The following PTPRN2 variants were observed in gnomAD, a reference collection of about 807,000 sequenced individuals.
The protein encoded by PTPRN2 is receptor-type tyrosine-protein phosphatase N2.
In PTPRN2, 74 loss-of-function variants were observed where a neutral mutation model predicts 118.8. The observed-to-expected ratio is 0.62, with a 90% CI of 0.52 to 0.76. The LOEUF is 0.76. PTPRN2 is among the 30% of genes least tolerant of loss of function. The probability of loss-of-function intolerance (pLI) is 0.00; values close to 1 mark genes in which losing one functional copy is unlikely to be tolerated. For synonymous variants in PTPRN2, 641 were observed against 608.0 expected (o/e 1.05, Z -0.80); for missense variants, 1,481 against 1,394.4 (o/e 1.06, Z -0.99).
At chr7:158,202,576 C>T (rs1244094788) in intron 4 of PTPRN2, among the ~76,000 whole-genome samples, 1 of 152,142 alleles carries the variant, frequency 6.6e-6, no homozygotes, top group Non-Finnish European at 1.5e-5. Context: ...AGCTTACAGG[C>T]ATGAAGCCCA....
intron 3 of PTPRN2, among the ~76,000 whole-genome samples, chr7:158,225,732 A>G (rs1382717374): frequency 6.6e-6 from 1 of 152,250 alleles, no homozygotes; most frequent in Admixed American, 6.5e-5. Flanking sequence ...TCATAGAAAC[A>G]AGTGGTATTT....
At chr7:157,924,231 G>C (rs1798844451) in intron 11 of PTPRN2, among the ~76,000 whole-genome samples, 1 of 152,164 alleles carries the variant, frequency 6.6e-6, no homozygotes, top group Admixed American at 6.5e-5. Context: ...GTGGCTTCCT[G>C]GGGCTGGCTC....
At chr7:158,439,105 G>A (rs934790438) in intron 2 of PTPRN2, among the ~76,000 whole-genome samples, 2 of 152,200 alleles carry the variant, frequency 1.3e-5, no homozygotes, top group Non-Finnish European at 2.9e-5. Flanking sequence ...TTCTAACCTG[G>A]AAGCCGCCAT....
At chr7:157,802,099 C>T (rs1023678752) in intron 12 of PTPRN2, among the ~76,000 whole-genome samples, 28 of 152,262 alleles carry the variant, frequency 1.8e-4, no homozygotes, top group African/African-American at 4.8e-4. Context: ...GTGCTAAGAA[C>T]GTGTAGCGAG....
At chr7:158,533,446 C>G (rs917596334) in intron 1 of PTPRN2, among the ~76,000 whole-genome samples, 2 of 152,216 alleles carry the variant, frequency 1.3e-5, no homozygotes, top group Non-Finnish European at 2.9e-5. Context: ...GCACCTTTGC[C>G]TTCCACTGAG....
chr7:158,421,304 G>A (rs961186180), intron 2 of PTPRN2, among the ~76,000 whole-genome samples: 1 of 152,198 alleles, frequency 6.6e-6, no homozygotes, highest in Non-Finnish European at 1.5e-5. Context: ...ACCCTGGTAG[G>A]AAATGAACAT....
At chr7:157,817,333 T>C (rs986567506) in intron 12 of PTPRN2, among the ~76,000 whole-genome samples, 1 of 152,122 alleles carries the variant, frequency 6.6e-6, no homozygotes, top group African/African-American at 2.4e-5. Flanking sequence ...AAGAATCATG[T>C]CACAGGAAAC....
At chr7:158,340,605 A>G (rs1380466281) in intron 2 of PTPRN2, among the ~76,000 whole-genome samples, 34 of 112,336 alleles carry the variant, frequency 3.0e-4, no homozygotes, top group African/African-American at 9.8e-4. Flanking sequence ...CATCACTCAC[A>G]CCCACACACG....
intron 12 of PTPRN2, among the ~76,000 whole-genome samples, chr7:157,749,073 C>G (rs1443607510): frequency 1.8e-5 from 1 of 54,454 alleles, no homozygotes; most frequent in Non-Finnish European, 3.4e-5. Context: ...TGTGGGCTGT[C>G]CGGGTGATTC....
chr7:158,365,297 C>T (rs1471917653), intron 2 of PTPRN2, among the ~76,000 whole-genome samples: 1 of 152,190 alleles, frequency 6.6e-6, no homozygotes, highest in East Asian at 1.9e-4. Context: ...GGGCTGGAGG[C>T]AGACCTCATC....
rs975338148 is a variant in PTPRN2 at position 158,194,155 on chromosome 7, GAGTGTGTGA to G, written c.381-1669_381-1661del. ...TGTGAGTTTGTGTAAGTGTGTGTGT[GAGTGTGTGA>G]GGGGTGTGAGTGCGTGTGTGCGTTT... On this transcript the variant is annotated intron_variant, in intron 4 of 22. Transcript: ENST00000389418. 1.9e-4 allele frequency among the ~76,000 whole-genome samples: 28 copies of G among 147,362 alleles called. No homozygotes were observed. In the South Asian group the frequency reaches 3.6e-3, roughly 19 times the overall value.
Position 157,990,883 on chromosome 7 carries a change from C to T in PTPRN2, c.1723+90415G>A, listed in dbSNP as rs1190230651. Reference sequence around the variant, plus strand: ...ACCGAGGAGGACTGGGGAGGGGGGCCGAGTCTCCAGTCAGGCAGAGAGAGC... The same window carrying T: ...ACCGAGGAGGACTGGGGAGGGGGGCTGAGTCTCCAGTCAGGCAGAGAGAGC... On this transcript the variant is annotated intron_variant, in intron 11 of 22. Transcript: ENST00000389418. The surrounding 1 kb of genome is among the most constrained non-coding windows in gnomAD (Gnocchi z 4.3). 1.3e-5 allele frequency among the ~76,000 whole-genome samples: 2 copies of T among 152,102 alleles called. No homozygotes were observed. The highest frequency in any genetic ancestry group is 6.6e-5 in the Admixed American group (1 of 15,264).
intron 3 of PTPRN2, among the ~76,000 whole-genome samples, chr7:158,249,071 T>C (rs192411674): frequency 3.3e-3 from 468 of 142,774 alleles, no homozygotes; most frequent in African/African-American, 0.011. Context: ...ATCACACACA[T>C]ACACCACACA....
At chr7:157,995,728 AG>A (rs1408645126) in intron 11 of PTPRN2, among the ~76,000 whole-genome samples, 1 of 152,204 alleles carries the variant, frequency 6.6e-6, no homozygotes, top group Non-Finnish European at 1.5e-5. Context: ...CTCCTGTCAG[AG>A]GGGAGGATCC....
rs1016988489 is a variant in PTPRN2, at chr7:157,619,492, C to T, written c.2344+1870G>A. ...GCCCCCAGAGCCTGTTAGTAGCCCC[C>T]GACACAGGGCCGGTGCTTAGTAAAT... On this transcript the variant is annotated intron_variant, in intron 15 of 22. Coordinates refer to ENST00000389418, the MANE Select transcript of PTPRN2 (RefSeq NM_002847.5). The surrounding 1 kb of genome is among the most constrained non-coding windows in gnomAD (Gnocchi z 5.3). Among the ~76,000 whole-genome samples, 1 of 152,164 alleles carries T rather than the reference C, an allele frequency of 6.6e-6. No individual in the cohort carries two copies. Among genetic ancestry groups the T allele is most frequent in the African/African-American group, 2.4e-5 (1 of 41,440 alleles).
At chr7:158,262,912 A>G (rs1386295985) in intron 3 of PTPRN2, among the ~76,000 whole-genome samples, 1 of 146,392 alleles carries the variant, frequency 6.8e-6, no homozygotes, top group African/African-American at 2.6e-5. Flanking sequence ...AAACATTCAC[A>G]CTGCACACAC....
intron 16 of PTPRN2, among the ~76,000 whole-genome samples, chr7:157,602,107 C>G (rs773476846): frequency 6.6e-6 from 1 of 152,232 alleles, no homozygotes; most frequent in Non-Finnish European, 1.5e-5. Context: ...GAAACCCACA[C>G]GGAACCAAGC....
chr7:158,191,153 C>T (rs1270479915), intron 5 of PTPRN2, among the ~76,000 whole-genome samples: 1 of 152,218 alleles, frequency 6.6e-6, no homozygotes, highest in African/African-American at 2.4e-5. Context: ...CTTTCGAGGT[C>T]TGTGGGGGTT....
At chr7:158,117,450 T>C (rs1396942424) in intron 9 of PTPRN2, among the ~76,000 whole-genome samples, 1 of 151,976 alleles carries the variant, frequency 6.6e-6, no homozygotes, top group Non-Finnish European at 1.5e-5. Flanking sequence ...AGTATATGAA[T>C]TGTGAGAGGA....
Sources: gnomAD v4.1 joint callset for allele counts (sites outside exome capture counted in the v4.1 genomes callset) on GRCh38, gnomAD v4.1.1 for gene constraint, Gnocchi (gnomAD v3.1) non-coding constraint, MANE v1.5 for transcripts, NCBI Gene and HGNC (gene_info 2026-07-23, HGNC 2026-07-21) for gene names.